Variants in MAP2K4 observed in about 807,000 individuals in gnomAD.
MAP2K4 encodes the protein mitogen-activated protein kinase kinase 4.
In MAP2K4, 4 loss-of-function variants were observed where a neutral mutation model predicts 48.5. That is an observed-to-expected ratio of 0.08 (90% CI 0.04 to 0.19). The LOEUF is 0.19. Among genes scored for constraint, MAP2K4 ranks in the 10% least tolerant of loss-of-function variants. The probability of loss-of-function intolerance (pLI) is 1.00; values close to 1 mark genes in which losing one functional copy is unlikely to be tolerated. For synonymous variants in MAP2K4, 166 were observed against 173.1 expected, an observed-to-expected ratio of 0.96 and a Z score of 0.32; for missense variants, 258 against 493.3, an observed-to-expected ratio of 0.52 and a Z score of 4.52.
At chr17:12,084,717 C>G (rs1255055566) in intron 3 of MAP2K4, among the ~76,000 whole-genome samples, 1 of 152,122 alleles carries the variant, frequency 6.6e-6, no homozygotes, top group Non-Finnish European at 1.5e-5. Context: ...TACAACACAT[C>G]AATTAACATA....
chr17:12,039,678 C>T (rs2151515329), intron 1 of MAP2K4, among the ~76,000 whole-genome samples: 1 of 152,282 alleles, frequency 6.6e-6, no homozygotes, highest in South Asian at 2.1e-4. Flanking sequence ...TCAATGTTCA[C>T]ATTTCCCCAA....
intron 6 of MAP2K4, chr17:12,110,939 T>C: frequency 6.5e-6 from 1 of 153,724 alleles, no homozygotes; most frequent in Non-Finnish European, 1.4e-5. Flanking sequence ...CTTTATTAGA[T>C]ACATATTCAA....
At chr17:12,032,380 C>T (rs1969467255) in intron 1 of MAP2K4, 2 of 585,142 alleles carry the variant, frequency 3.4e-6, no homozygotes, top group Non-Finnish European at 2.6e-6. Context: ...ACTATTGTTT[C>T]AGCTAACCAG....
rs376091372 is a variant in MAP2K4 at position 12,129,338 on chromosome 17, A to G, written c.1040+51A>G. ...GAACACGCATGGCGAGAATAGTGAG[A>G]TTTACTTGGTCTTAGCAGCATTGGT... On this transcript the variant is annotated intron_variant, in intron 9 of 10. Coordinates refer to ENST00000353533, the MANE Select transcript of MAP2K4 (RefSeq NM_003010.4). The G allele has an allele frequency of 5.0e-6, 8 of 1,610,186 alleles. No homozygotes were observed. The African/African-American group carries it at 1.1e-4, about 21-fold the overall frequency.
chr17:12,041,843 C>A (rs565688072), intron 1 of MAP2K4, among the ~76,000 whole-genome samples: 11 of 152,222 alleles, frequency 7.2e-5, no homozygotes, highest in African/African-American at 2.6e-4. Context: ...ACTGAGTTGT[C>A]GGACTCATTA....
chr17:12,073,183 T>C (rs2159140), intron 2 of MAP2K4, among the ~76,000 whole-genome samples: 25,597 of 152,174 alleles, frequency 0.17, 2,532 homozygotes, highest in South Asian at 0.3. Context: ...GGGATTCTTT[T>C]ATAGCAGAGA....
chr17:12,120,600 G>A (rs942706283), intron 7 of MAP2K4, among the ~76,000 whole-genome samples: 1 of 139,888 alleles, frequency 7.1e-6, no homozygotes, highest in African/African-American at 2.6e-5. Context: ...TAAAGGATTA[G>A]AGCAGTATGC....
intron 1 of MAP2K4, among the ~76,000 whole-genome samples, chr17:12,037,809 A>G (rs1969646800): frequency 6.6e-6 from 1 of 152,070 alleles, no homozygotes; most frequent in African/African-American, 2.4e-5. Flanking sequence ...TAGAAGTAGA[A>G]GTGGTATATT....
chr17:12,039,693 C>G (rs1330135583), intron 1 of MAP2K4, among the ~76,000 whole-genome samples: 1 of 152,094 alleles, frequency 6.6e-6, no homozygotes, highest in Non-Finnish European at 1.5e-5. Context: ...CCCCAAAAGC[C>G]TTGTAAATGC....
At chr17:12,030,113 A>G (rs1333609830) in intron 1 of MAP2K4, among the ~76,000 whole-genome samples, 1 of 152,070 alleles carries the variant, frequency 6.6e-6, no homozygotes, top group African/African-American at 2.4e-5. Flanking sequence ...AGTATGAGCT[A>G]GTGGAGCTAT....
At chr17:12,055,170 T>C (rs1970246626) in intron 2 of MAP2K4, among the ~76,000 whole-genome samples, 179 bp downstream of exon 2, 1 of 152,130 alleles carries the variant, frequency 6.6e-6, no homozygotes, top group Non-Finnish European at 1.5e-5. Context: ...TTTAGGAAAT[T>C]TGACTGTCTT....
chr17:12,138,189 C>G (rs573779312), intron 9 of MAP2K4, among the ~76,000 whole-genome samples: 1 of 151,886 alleles, frequency 6.6e-6, no homozygotes, highest in Non-Finnish European at 1.5e-5. Flanking sequence ...GAAGACTGAG[C>G]ACTTACAATT....
Position 12,061,316 on chromosome 17 carries a change from T to A in MAP2K4, c.218+6325T>A, listed in dbSNP as rs371663735. Among the ~76,000 whole-genome samples, 4 of 152,340 alleles carry A rather than the reference T, an allele frequency of 2.6e-5. No individual in the cohort carries two copies. The South Asian group carries it at 8.3e-4, about 32-fold the overall frequency. On this transcript the variant is annotated intron_variant, in intron 2 of 10. Coordinates refer to ENST00000353533, the MANE Select transcript of MAP2K4 (RefSeq NM_003010.4). ...TCTTTAAAGCTTAGATCATTGTACT[T>A]CTTAATGTTACAGTTTAGGGATATT...
intron 9 of MAP2K4, among the ~76,000 whole-genome samples, chr17:12,129,731 A>G (rs186101805): frequency 3.2e-4 from 49 of 152,338 alleles, no homozygotes; most frequent in Admixed American, 1.4e-3. Flanking sequence ...ACAGTTGGTT[A>G]TATGTAGTAG....
At chr17:12,136,844 A>G (rs1034735092) in intron 9 of MAP2K4, among the ~76,000 whole-genome samples, 1 of 152,184 alleles carries the variant, frequency 6.6e-6, no homozygotes, top group Non-Finnish European at 1.5e-5. Context: ...TGCAACAAAA[A>G]TACTGACAGA....
chr17:12,034,105 T>G lies in MAP2K4; in HGVS notation c.115+13104T>G, dbSNP rs555466887. On this transcript the variant is annotated intron_variant, in intron 1 of 10. Coordinates refer to ENST00000353533, the MANE Select transcript of MAP2K4 (RefSeq NM_003010.4). Reference sequence around the variant, plus strand: ...ACCTGGCCTGACTTTTTAAAAATTTTAAGTTGTACTCACATTATTGTTCTT... The same window carrying G: ...ACCTGGCCTGACTTTTTAAAAATTTGAAGTTGTACTCACATTATTGTTCTT... 2.6e-5 allele frequency among the ~76,000 whole-genome samples: 4 copies of G among 152,336 alleles called. No individual in the cohort carries two copies. In the South Asian group the frequency reaches 8.3e-4, roughly 32 times the overall value.
intron 3 of MAP2K4, among the ~76,000 whole-genome samples, chr17:12,095,049 C>CTAG (rs1274231056): frequency 1.3e-5 from 2 of 152,084 alleles, no homozygotes; most frequent in African/African-American, 4.8e-5. Context: ...TGCTCCTATA[C>CTAG]TAGTATTCAC....
At chr17:12,118,870 T>C (rs1222327794) in intron 7 of MAP2K4, among the ~76,000 whole-genome samples, 1 of 152,008 alleles carries the variant, frequency 6.6e-6, no homozygotes, top group Non-Finnish European at 1.5e-5. Context: ...GACTATTCAG[T>C]GATGATGATG....
chr17:12,021,798 C>T (rs1260507019), intron 1 of MAP2K4, among the ~76,000 whole-genome samples: 2 of 146,110 alleles, frequency 1.4e-5, no homozygotes. Flanking sequence ...AGGAAATAGA[C>T]AGGGGTCAAA....
Sources: gnomAD v4.1 joint callset for allele counts (sites outside exome capture counted in the v4.1 genomes callset) on GRCh38, gnomAD v4.1.1 for gene constraint, MANE v1.5 for transcripts, NCBI Gene and HGNC (gene_info 2026-07-23, HGNC 2026-07-21) for gene names.